The following PARN variants were observed in gnomAD, a reference collection of about 807,000 sequenced individuals.
PARN encodes poly(A)-specific ribonuclease.
A neutral mutation model predicts 102.8 loss-of-function variants in PARN; 71 were observed. The observed-to-expected ratio is 0.69, with a 90% CI of 0.57 to 0.84. The LOEUF is 0.84. Ranked by LOEUF, PARN falls within the 40% of genes least tolerant of loss-of-function variation. PARN has a pLI of 0.00. For missense variants in PARN, 782 were observed against 760.9 expected (o/e 1.03, Z -0.33); for synonymous variants, 261 against 252.9 (o/e 1.03, Z -0.30).
intron 21 of PARN, among the ~76,000 whole-genome samples, chr16:14,551,798 A>G (rs1967320098): frequency 6.6e-6 from 1 of 152,260 alleles, no homozygotes; most frequent in Non-Finnish European, 1.5e-5. Flanking sequence ...ATGAAAAAAT[A>G]TACTATGTAG....
chr16:14,616,724 CAG>C (rs1971926371), intron 6 of PARN, among the ~76,000 whole-genome samples: 1 of 152,024 alleles, frequency 6.6e-6, no homozygotes, highest in African/African-American at 2.4e-5. Context: ...CCCTGGGTGA[CAG>C]AGTGGGACCC....
Position 14,584,429 on chromosome 16 carries a change from AC to A in PARN, c.1006-8del. 6.2e-7 allele frequency: 1 copy of A among 1,609,052 alleles called. No homozygotes were observed. Among genetic ancestry groups the A allele is most frequent in the Non-Finnish European group, 8.5e-7 (1 of 1,175,968 alleles). ...ATGTGTTGTTAATGATATCCTGCAA[AC>A]CACGAAGCAAAGAATTATGAGATTT... On this transcript the variant is annotated splice_region_variant and splice_polypyrimidine_tract_variant and intron_variant, in intron 15 of 23. Transcript: ENST00000437198.
At chr16:14,501,435 CAAAAAAAAAAAAAAA>C (rs56703058) in intron 21 of PARN, 3 of 27,590 alleles carry the variant, frequency 1.1e-4, no homozygotes, top group South Asian at 2.9e-3. Flanking sequence ...CAAGACTGTC[CAAAAAAAAAAAAAAA>C]AAAAAAAAAA....
chr16:14,521,712 G>A (rs1482508791), intron 21 of PARN, among the ~76,000 whole-genome samples: 2 of 151,824 alleles, frequency 1.3e-5, no homozygotes, highest in Admixed American at 1.3e-4. Context: ...TGAGGCAGGA[G>A]AATTGCTTGA....
chr16:14,451,170 T>G (rs1567286790), intron 22 of PARN, among the ~76,000 whole-genome samples: 1 of 152,194 alleles, frequency 6.6e-6, no homozygotes, highest in African/African-American at 2.4e-5. Context: ...AGAAGTTTAC[T>G]GGCCCAAATA....
chr16:14,629,981 G>A (rs1026125009), intron 1 of PARN, 126 bp downstream of exon 1: 44 of 862,012 alleles, frequency 5.1e-5, no homozygotes, highest in Non-Finnish European at 6.9e-5. Flanking sequence ...CCGGCTTAAG[G>A]AGGGAAAAGC....
At chr16:14,518,339 C>T (rs1965565875) in intron 21 of PARN, among the ~76,000 whole-genome samples, 1 of 138,378 alleles carries the variant, frequency 7.2e-6, no homozygotes, top group African/African-American at 2.6e-5. Context: ...TAAAGAATTG[C>T]ATACATACAT....
At chr16:14,604,300 G>T in intron 10 of PARN, 74 bp from the exon 11 acceptor site, 1 of 946,282 alleles carries the variant, frequency 1.1e-6, no homozygotes, top group Non-Finnish European at 1.6e-6. Flanking sequence ...CGCTCTTGTT[G>T]CTCAGGCTGG....
chr16:14,599,826 T>C, intron 12 of PARN, 78 bp downstream of exon 12: 1 of 834,700 alleles, frequency 1.2e-6, no homozygotes, highest in South Asian at 1.6e-5. Context: ...GATGAAATGA[T>C]TAATCTGCAA....
At chr16:14,488,617 T>C (rs908892188) in intron 21 of PARN, among the ~76,000 whole-genome samples, 7 of 152,192 alleles carry the variant, frequency 4.6e-5, no homozygotes, top group African/African-American at 1.7e-4. Context: ...AGTGGACATA[T>C]GCAGAGATGC....
intron 21 of PARN, among the ~76,000 whole-genome samples, chr16:14,519,239 A>G (rs932446793): frequency 4.8e-5 from 7 of 146,804 alleles, no homozygotes; most frequent in Non-Finnish European, 1.0e-4. Context: ...ATGTATTTTC[A>G]TCTGAAAGAA....
rs138895466 is a variant in PARN at position 14,441,466 on chromosome 16, T to C, written c.1865-4694A>G. Among the ~76,000 whole-genome samples, 1,295 of 152,336 alleles carry C rather than the reference T, an allele frequency of 8.5e-3. 23 individuals carry two copies. The highest frequency in any genetic ancestry group is 0.029 in the African/African-American group (1,215 of 41,576). On this transcript the variant is annotated intron_variant, in intron 23 of 23. Coordinates refer to ENST00000437198, the MANE Select transcript of PARN (RefSeq NM_002582.4). ...GCACAGGACACTGGAAGCTTCCCAT[T>C]GTATCCTCTTCCACAGAGTGGACAT...
At chr16:14,520,837 G>C (rs769066095) in intron 21 of PARN, among the ~76,000 whole-genome samples, 1 of 152,222 alleles carries the variant, frequency 6.6e-6, no homozygotes, top group African/African-American at 2.4e-5. Context: ...CCACGATTAA[G>C]TGGCTGAAGG....
At chr16:14,611,190 G>A (rs995276286) in intron 6 of PARN, among the ~76,000 whole-genome samples, 5 of 152,158 alleles carry the variant, frequency 3.3e-5, no homozygotes, top group African/African-American at 1.2e-4. Flanking sequence ...AGAGTCCTTC[G>A]GGTAGGGGAA....
chr16:14,456,374 T>G (rs1255623194), intron 22 of PARN, among the ~76,000 whole-genome samples: 1 of 152,048 alleles, frequency 6.6e-6, no homozygotes, highest in African/African-American at 2.4e-5. Flanking sequence ...TGTCTTGCTA[T>G]GTTGCCTCAG....
chr16:14,541,065 T>C (rs1393181745), intron 21 of PARN, among the ~76,000 whole-genome samples: 2 of 150,778 alleles, frequency 1.3e-5, no homozygotes, highest in Non-Finnish European at 2.9e-5. Context: ...CTGCGGCAAG[T>C]GGATCGCTTG....
At chr16:14,467,164 C>T (rs1260980947) in intron 22 of PARN, among the ~76,000 whole-genome samples, 1 of 152,182 alleles carries the variant, frequency 6.6e-6, no homozygotes. Flanking sequence ...AATGGACATT[C>T]ATGTCAGATT....
intron 23 of PARN, among the ~76,000 whole-genome samples, chr16:14,437,138 A>C (rs1332828619): frequency 1.3e-5 from 2 of 152,246 alleles, no homozygotes; most frequent in African/African-American, 2.4e-5. Flanking sequence ...ATCTTCATTA[A>C]AAGCCCACCA....
chr16:14,620,481 GC>G (rs1183293916), intron 5 of PARN, among the ~76,000 whole-genome samples: 1 of 152,190 alleles, frequency 6.6e-6, no homozygotes, highest in Non-Finnish European at 1.5e-5. Context: ...TAAGAAATAA[GC>G]ATTACTGTAG....
Sources: allele counts gnomAD v4.1 joint callset (sites outside exome capture counted in the v4.1 genomes callset), GRCh38; gene constraint gnomAD v4.1.1; transcripts MANE v1.5; gene names NCBI Gene and HGNC (gene_info 2026-07-23, HGNC 2026-07-21).